ULK2: variants seen among roughly 807,000 people sequenced by gnomAD.
The protein encoded by ULK2 is unc-51 like autophagy activating kinase 2, also known as serine/threonine-protein kinase ULK2.
Under a neutral mutation model 127.5 loss-of-function variants are expected in ULK2, and 76 were observed. That is an observed-to-expected ratio of 0.60 (90% CI 0.50 to 0.72). The LOEUF (loss-of-function observed/expected upper bound fraction) is 0.72, where lower values mean the gene tolerates loss of function less well. Ranked by LOEUF, ULK2 falls within the 30% of genes least tolerant of loss-of-function variation. The pLI is 0.00. For missense variants in ULK2, 1,144 were observed against 1,295.9 expected (o/e 0.88, Z 1.80); for synonymous variants, 452 against 461.9 (o/e 0.98, Z 0.28).
chr17:19,867,321 C>A lies in ULK2; in HGVS notation c.90+7G>T. Reference sequence around the variant, plus strand: ...CGGGGCCCGGCCTCGCCCCGGCCGGCGCTCACCTGGCGGTGCCGCCCCCGG... The same window carrying A: ...CGGGGCCCGGCCTCGCCCCGGCCGGAGCTCACCTGGCGGTGCCGCCCCCGG... On this transcript the variant is annotated splice_region_variant and intron_variant, in intron 1 of 26. Coordinates refer to ENST00000395544, the MANE Select transcript of ULK2 (RefSeq NM_014683.4). 1.3e-6 allele frequency: 2 copies of A among 1,579,172 alleles called. No individual in the cohort carries two copies. Among genetic ancestry groups the A allele is most frequent in the Non-Finnish European group, 1.7e-6 (2 of 1,165,178 alleles).
rs2041974172 is a variant in ULK2, at chr17:19,849,851, C to T, written c.226-77G>A. On this transcript the variant is annotated intron_variant, in intron 3 of 26. Transcript: ENST00000395544. ...TTAAAGATAATGATAGTTAAAAATA[C>T]CATACTTGTTCATTATTAAAACTGG... 5 of 862,760 alleles carry T rather than the reference C, an allele frequency of 5.8e-6. No homozygotes were observed. The South Asian group carries it at 8.8e-5, about 15-fold the overall frequency. The allele number at this position is 862,760 out of a possible 1,614,324, so 53.4% of individuals were successfully genotyped here.
At chr17:19,845,618 T>A (rs1412682127) in intron 6 of ULK2, among the ~76,000 whole-genome samples, 1 of 152,148 alleles carries the variant, frequency 6.6e-6, no homozygotes, top group African/African-American at 2.4e-5. Flanking sequence ...TGTACGAAAC[T>A]TTGCAAGTGA....
chr17:19,785,854 C>T, intron 21 of ULK2, 83 bp downstream of exon 21: 1 of 1,507,410 alleles, frequency 6.6e-7, no homozygotes, highest in Non-Finnish European at 8.9e-7. Flanking sequence ...AGTGACTTGT[C>T]CAAGTTACAA....
At chr17:19,778,299 A>C (rs1364759251) in intron 25 of ULK2, among the ~76,000 whole-genome samples, 2 of 152,228 alleles carry the variant, frequency 1.3e-5, no homozygotes, top group African/African-American at 4.8e-5. Context: ...ACGGTGTTAC[A>C]GGAGGAAGCA....
chr17:19,780,808 G>A (rs964361333), intron 24 of ULK2, among the ~76,000 whole-genome samples, 178 bp downstream of exon 24: 5 of 152,118 alleles, frequency 3.3e-5, no homozygotes, highest in Admixed American at 3.3e-4. Flanking sequence ...TGAGAATAAT[G>A]CACTTCAGAC....
At chr17:19,831,144 GGA>G (rs2041432327) in intron 10 of ULK2, among the ~76,000 whole-genome samples, 1 of 152,072 alleles carries the variant, frequency 6.6e-6, no homozygotes, top group Non-Finnish European at 1.5e-5. Context: ...AAGGTGAAGG[GGA>G]AGCAAGCATG....
At chr17:19,840,941 T>C (rs778097367) in intron 9 of ULK2, among the ~76,000 whole-genome samples, 1 of 152,032 alleles carries the variant, frequency 6.6e-6, no homozygotes, top group Non-Finnish European at 1.5e-5. Flanking sequence ...CGGAACATCA[T>C]CTGTGATGTG....
At chr17:19,788,185 G>C (rs1369200340) in intron 20 of ULK2, among the ~76,000 whole-genome samples, 1 of 152,032 alleles carries the variant, frequency 6.6e-6, no homozygotes, top group Non-Finnish European at 1.5e-5. Context: ...TGCCGTGCTG[G>C]GCTTAAAGCC....
chr17:19,817,932 A>G (rs1457722229), intron 12 of ULK2, among the ~76,000 whole-genome samples: 2 of 152,076 alleles, frequency 1.3e-5, no homozygotes, highest in African/African-American at 4.8e-5. Context: ...TTTGTATCTC[A>G]AGGTAATGAA....
chr17:19,800,673 T>C (rs1290052476), intron 16 of ULK2, among the ~76,000 whole-genome samples: 1 of 152,198 alleles, frequency 6.6e-6, no homozygotes, highest in Non-Finnish European at 1.5e-5. Context: ...CTTCTCTTTG[T>C]CTCTGGAGAC....
At chr17:19,822,160 A>G (rs1157412887) in intron 12 of ULK2, among the ~76,000 whole-genome samples, 1 of 141,166 alleles carries the variant, frequency 7.1e-6, no homozygotes, top group African/African-American at 2.6e-5. Flanking sequence ...TAATTTTTGT[A>G]TTTTTAGTAG....
At position 19,865,814 on chromosome 17, in the gene ULK2, C is replaced by T. The variant is rs2042339516; in HGVS notation, c.105G>A (p.Glu35=). 13 of 1,557,764 alleles carry T rather than the reference C, an allele frequency of 8.3e-6. No individual in the cohort carries two copies. Among genetic ancestry groups the T allele is most frequent in the Non-Finnish European group, 1.1e-5 (13 of 1,139,386 alleles). ...RGRHRQKTDW[E]VAIKSINKKN... is the part of the protein sequence containing the mutation. ...TTTTATTAATACTTTTAATAGCTAC[C>T]TCCCAATCAGTTTTCTGAAAAGGAA... The change falls in exon 2 of 27, where the codon GAG becomes GAA. Residue 35 remains glutamate, a synonymous_variant. Transcript: ENST00000395544.
At chr17:19,781,227 T>C in intron 23 of ULK2, 123 bp from the exon 24 acceptor site, 2 of 687,652 alleles carry the variant, frequency 2.9e-6, no homozygotes, top group South Asian at 4.2e-5. Context: ...TTTGATTTCT[T>C]TTCTTCTTTC....
chr17:19,823,845 G>A (rs2041221709), intron 12 of ULK2, among the ~76,000 whole-genome samples: 3 of 152,278 alleles, frequency 2.0e-5, no homozygotes, highest in Admixed American at 2.0e-4. Context: ...GTATGAATTT[G>A]CGGGGCTGTG....
Position 19,867,860 on chromosome 17 carries a change from A to C in ULK2, c.-443T>G, listed in dbSNP as rs1182825621. ...CGACGGCCGCCGCCCTAGAACCCGC[A>C]CCGCCGCGGCCCCGCGCTTCCCCGC... On this transcript the variant is annotated 5_prime_UTR_variant, in exon 1 of 27. Transcript: ENST00000395544. The C allele has an allele frequency of 6.6e-6, 1 of 150,596 alleles. No individual in the cohort carries two copies. The highest frequency in any genetic ancestry group is 1.5e-5 in the Non-Finnish European group (1 of 67,542). The allele number at this position is 150,596 out of a possible 1,614,324, so 9.3% of individuals were successfully genotyped here.
chr17:19,851,800 C>T (rs2042021933), intron 3 of ULK2, among the ~76,000 whole-genome samples: 2 of 151,718 alleles, frequency 1.3e-5, no homozygotes, highest in Admixed American at 6.6e-5. Context: ...CAAGGCGGGT[C>T]GGATTACAAC....
intron 3 of ULK2, among the ~76,000 whole-genome samples, chr17:19,860,611 G>A (rs2042222130): frequency 6.8e-6 from 1 of 146,538 alleles, no homozygotes; most frequent in Admixed American, 7.1e-5. Flanking sequence ...TGCAATCTCC[G>A]CCTCTTCAGT....
rs117234108 is a variant in ULK2 at position 19,840,490 on chromosome 17, A to T, written c.704+999T>A. ...AAACTTATCCGGGAAGGAAAATTGGATCAAACATTTAACCTCTCATATTAA... is the reference window on the plus strand; with the variant it reads ...AAACTTATCCGGGAAGGAAAATTGGTTCAAACATTTAACCTCTCATATTAA... On this transcript the variant is annotated intron_variant, in intron 9 of 26. Coordinates refer to ENST00000395544, the MANE Select transcript of ULK2 (RefSeq NM_014683.4). The T allele has an allele frequency of 2.8e-3, 1,301 of 461,818 alleles. 36 individuals carry two copies. In the East Asian group the frequency reaches 0.055, roughly 20 times the overall value. 28.6% of individuals were successfully genotyped at this position (461,818 alleles called of 1,614,324 possible). A position where few individuals can be genotyped will look rare whatever the true frequency, so the allele number is the denominator to read the frequency against.
intron 13 of ULK2, chr17:19,816,527 A>G (rs1271113940): frequency 3.0e-6 from 1 of 333,676 alleles, no homozygotes; most frequent in Non-Finnish European, 5.3e-6. Context: ...CATTTCCTAT[A>G]AAGTTTTCAT....
Sources: gnomAD v4.1 joint callset for allele counts (sites outside exome capture counted in the v4.1 genomes callset) on GRCh38, gnomAD v4.1.1 for gene constraint, MANE v1.5 for transcripts, NCBI Gene and HGNC (gene_info 2026-07-23, HGNC 2026-07-21) for gene names.